ZFAT: variants seen among roughly 807,000 people sequenced by gnomAD.
ZFAT encodes the protein zinc finger protein ZFAT.
In ZFAT, 64 loss-of-function variants were observed where a neutral mutation model predicts 117.7. The observed-to-expected ratio is 0.54, with a 90% CI of 0.44 to 0.67. The LOEUF (loss-of-function observed/expected upper bound fraction) is 0.67. Ranked by LOEUF, ZFAT falls within the 30% of genes least tolerant of loss-of-function variation. The pLI is 0.00. For missense variants in ZFAT, 1,433 were observed against 1,584.5 expected (o/e 0.90, Z 1.62); for synonymous variants, 679 against 615.0 (o/e 1.10, Z -1.54).
chr8:134,520,951 A>C lies in ZFAT; in HGVS notation c.3166T>G (p.Phe1056Val). The C allele has an allele frequency of 6.2e-7, 1 of 1,613,684 alleles. No homozygotes were observed. The highest frequency in any genetic ancestry group is 8.5e-7 in the Non-Finnish European group (1 of 1,179,838). The change falls in exon 13 of 16, where the codon TTC (phenylalanine) becomes GTC (valine). Residue 1056 changes from phenylalanine (F) to valine (V), a missense_variant. This residue lies in a region of ZFAT where 503 missense variants were observed against 543.4 expected (regional missense o/e 0.93). Transcript: ENST00000377838. ...TGTTTGTTCTTCAAGTGCCTATTGAACTCCCATTTGGTGCCATATACAAAG... is the reference window on the plus strand; with the variant it reads ...TGTTTGTTCTTCAAGTGCCTATTGACCTCCCATTTGGTGCCATATACAAAG... ...CSFVYGTKWE[F>V]NRHLKNKHGL...
intron 15 of ZFAT, among the ~76,000 whole-genome samples, chr8:134,491,483 G>C (rs938914641): frequency 2.0e-5 from 3 of 152,212 alleles, no homozygotes; most frequent in Admixed American, 1.3e-4. Flanking sequence ...TCATTTTTCA[G>C]TTCTAGAGTT....
chr8:134,712,739 G>GGCGCGGCCGGCGCGGCCGGC, intron 1 of ZFAT, 106 bp downstream of exon 1: 1 of 1,135,924 alleles, frequency 8.8e-7, no homozygotes, highest in Non-Finnish European at 1.2e-6. Context: ...GCCGGCGGCC[G>GGCGCGGCCGGCGCGGCCGGC]GCGGCCGGCG....
intron 4 of ZFAT, 73 bp downstream of exon 4, chr8:134,610,397 T>A (rs2277138): frequency 6.7e-7 from 1 of 1,483,618 alleles, no homozygotes; most frequent in Non-Finnish European, 9.0e-7. Flanking sequence ...TGACTCAGAC[T>A]GTGACATCAG....
intron 1 of ZFAT, among the ~76,000 whole-genome samples, chr8:134,669,385 C>T (rs889931313): frequency 1.1e-4 from 17 of 152,342 alleles, no homozygotes; most frequent in African/African-American, 4.1e-4. Context: ...GGAAGCCCAT[C>T]TGACTAACAA....
chr8:134,677,842 C>T (rs1034401830), intron 1 of ZFAT, among the ~76,000 whole-genome samples: 3 of 152,144 alleles, frequency 2.0e-5, no homozygotes, highest in African/African-American at 7.2e-5. Flanking sequence ...GAACCAATGA[C>T]AAAAACCACG....
intron 3 of ZFAT, among the ~76,000 whole-genome samples, chr8:134,612,705 A>C (rs1337385767): frequency 6.6e-6 from 1 of 152,238 alleles, no homozygotes; most frequent in Non-Finnish European, 1.5e-5. Flanking sequence ...ATCAGCACTA[A>C]ATATGGTAAC....
chr8:134,481,192 T>A (rs1247949375), intron 15 of ZFAT, among the ~76,000 whole-genome samples: 1 of 152,204 alleles, frequency 6.6e-6, no homozygotes, highest in African/African-American at 2.4e-5. Context: ...TTATTTCACT[T>A]TGCAAGAGAG....
chr8:134,688,097 G>C (rs945345805), intron 1 of ZFAT, among the ~76,000 whole-genome samples: 1 of 152,124 alleles, frequency 6.6e-6, no homozygotes, highest in African/African-American at 2.4e-5. Flanking sequence ...ATGGGCGGTG[G>C]GGGGGATCTT....
chr8:134,617,027 C>T (rs1828794792), intron 3 of ZFAT, among the ~76,000 whole-genome samples: 2 of 152,218 alleles, frequency 1.3e-5, no homozygotes, highest in South Asian at 4.1e-4. Context: ...ATATCTGGGA[C>T]ACCACCCCAA....
chr8:134,638,905 C>A (rs1020576208), intron 2 of ZFAT, among the ~76,000 whole-genome samples: 4 of 148,640 alleles, frequency 2.7e-5, no homozygotes, highest in Non-Finnish European at 4.4e-5. Context: ...ATCTGTCTGG[C>A]AGAGGAGTGG....
the ZFAT span, among the ~76,000 whole-genome samples, chr8:134,787,491 T>G: frequency 1.3e-5 from 2 of 152,210 alleles, no homozygotes; most frequent in African/African-American, 4.8e-5. Flanking sequence ...TCTGTTACTT[T>G]GTTCTATTTT....
the ZFAT span, among the ~76,000 whole-genome samples, chr8:134,814,823 G>A: frequency 1.7e-4 from 26 of 152,320 alleles, no homozygotes; most frequent in African/African-American, 6.0e-4. Flanking sequence ...GTGTGAAACA[G>A]CATAGATGTA....
chr8:134,769,088 G>A, the ZFAT span, among the ~76,000 whole-genome samples: 16 of 152,004 alleles, frequency 1.1e-4, no homozygotes, highest in East Asian at 3.9e-4. Context: ...CAGGAGAATC[G>A]CTTGAACCCA....
chr8:134,637,434 CAT>C (rs763544619), intron 3 of ZFAT, 25 bp downstream of exon 3: 2 of 1,589,674 alleles, frequency 1.3e-6, no homozygotes, highest in Non-Finnish European at 1.7e-6. Flanking sequence ...AAGAAATTGA[CAT>C]GTTCAGCCCT....
At chr8:134,736,745 A>G in the ZFAT span, among the ~76,000 whole-genome samples, 1 of 151,912 alleles carries the variant, frequency 6.6e-6, no homozygotes, top group South Asian at 2.1e-4. Context: ...GTACCACCAC[A>G]CCCAGCTAAT....
At chr8:134,800,195 T>C in the ZFAT span, among the ~76,000 whole-genome samples, 1 of 152,188 alleles carries the variant, frequency 6.6e-6, no homozygotes, top group Non-Finnish European at 1.5e-5. Context: ...GTTAGTGCTA[T>C]AGCAAAATTG....
the ZFAT span, among the ~76,000 whole-genome samples, chr8:134,734,071 G>A: frequency 1.2e-4 from 19 of 152,200 alleles, no homozygotes; most frequent in Non-Finnish European, 2.2e-4. Flanking sequence ...GCTTCAGGAC[G>A]CCGTTATTAA....
the ZFAT span, among the ~76,000 whole-genome samples, chr8:134,755,838 A>T: frequency 6.1e-3 from 885 of 145,774 alleles, 5 homozygotes; most frequent in African/African-American, 0.021. Flanking sequence ...AAAAAAAAAG[A>T]AAAAGAAAAA....
chr8:134,570,841 G>A (rs1035394008), intron 10 of ZFAT, among the ~76,000 whole-genome samples: 1 of 152,210 alleles, frequency 6.6e-6, no homozygotes, highest in African/African-American at 2.4e-5. Context: ...GAACTGTCCA[G>A]ATATGAAGCT....
Sources: gnomAD v4.1 joint callset for allele counts (sites outside exome capture counted in the v4.1 genomes callset) on GRCh38, gnomAD v4.1.1 for gene constraint, gnomAD v4.1.1 regional missense constraint, MANE v1.5 for transcripts, NCBI Gene and HGNC (gene_info 2026-07-23, HGNC 2026-07-21) for gene names.